The following STK3 variants were observed in gnomAD, a reference collection of about 807,000 sequenced individuals.
The protein encoded by STK3 is serine/threonine kinase 3.
In STK3, 41 loss-of-function variants were observed where a neutral mutation model predicts 58.0. The observed-to-expected ratio is 0.71, with a 90% CI of 0.55 to 0.92. The LOEUF is 0.92. Among genes scored for constraint, STK3 ranks in the 40% least tolerant of loss-of-function variants. The pLI, the probability that STK3 is intolerant of heterozygous loss-of-function variation, is 0.00. For missense variants in STK3, 479 were observed against 602.7 expected (o/e 0.79, Z 2.15); for synonymous variants, 170 against 191.0 (o/e 0.89, Z 0.91).
chr8:98,814,059 T>C (rs936699737), intron 1 of STK3, among the ~76,000 whole-genome samples: 4 of 152,232 alleles, frequency 2.6e-5, no homozygotes, highest in African/African-American at 9.6e-5. Context: ...TTGATTTTTT[T>C]CTTCTTTTTG....
At chr8:98,613,697 A>G (rs1817390914) in intron 6 of STK3, among the ~76,000 whole-genome samples, 2 of 152,092 alleles carry the variant, frequency 1.3e-5, no homozygotes, top group Admixed American at 1.3e-4. Flanking sequence ...GCCATAACAT[A>G]TTAATAATTA....
the STK3 span, among the ~76,000 whole-genome samples, chr8:98,346,444 A>G: frequency 2.6e-5 from 4 of 152,084 alleles, no homozygotes; most frequent in Non-Finnish European, 5.9e-5. Context: ...AATTTAATGA[A>G]TACTATAAAC....
At chr8:98,636,795 T>A (rs1302479787) in intron 6 of STK3, among the ~76,000 whole-genome samples, 2 of 152,122 alleles carry the variant, frequency 1.3e-5, no homozygotes, top group Non-Finnish European at 2.9e-5. Flanking sequence ...TAAAATGAAA[T>A]TTAAATATGT....
chr8:98,476,100 T>C (rs558526741), intron 10 of STK3, among the ~76,000 whole-genome samples: 1 of 152,322 alleles, frequency 6.6e-6, no homozygotes, highest in African/African-American at 2.4e-5. Flanking sequence ...TGTACCTAAG[T>C]GTAGACTGGA....
chr8:98,455,727 TGACC>T lies in STK3; in HGVS notation c.*111_*114del. The T allele has an allele frequency of 1.5e-6, 2 of 1,309,512 alleles. No individual in the cohort carries two copies. Among genetic ancestry groups the T allele is most frequent in the Admixed American group, 4.8e-5 (2 of 42,090 alleles). The allele number at this position is 1,309,512 out of a possible 1,614,324, so 81.1% of individuals were successfully genotyped here. ...CTGGGCATGTACCATTGTCACTTTTTGACCTCTGCCTAATTGTAGGGCAAAATCT... is the reference window on the plus strand; with the variant it reads ...CTGGGCATGTACCATTGTCACTTTTTTCTGCCTAATTGTAGGGCAAAATCT... On this transcript the variant is annotated 3_prime_UTR_variant, in exon 11 of 11. Coordinates refer to ENST00000419617, the MANE Select transcript of STK3 (RefSeq NM_006281.4).
At chr8:98,712,690 C>T (rs1390589303) in intron 4 of STK3, among the ~76,000 whole-genome samples, 3 of 152,038 alleles carry the variant, frequency 2.0e-5, no homozygotes, top group African/African-American at 4.8e-5. Flanking sequence ...TAATGGGAGA[C>T]TTTAACACCC....
intron 4 of STK3, among the ~76,000 whole-genome samples, chr8:98,718,871 G>A (rs1027772571): frequency 3.3e-5 from 5 of 151,782 alleles, no homozygotes; most frequent in Non-Finnish European, 4.4e-5. Context: ...AATTACATGT[G>A]GCTTGTGTTT....
At chr8:98,912,762 G>A (rs1417116123) in intron 1 of STK3, among the ~76,000 whole-genome samples, 1 of 152,144 alleles carries the variant, frequency 6.6e-6, no homozygotes, top group Non-Finnish European at 1.5e-5. Context: ...ATAAGACCAA[G>A]GGAAATGAAT....
intron 1 of STK3, among the ~76,000 whole-genome samples, chr8:98,803,593 C>CAAAAAAAAAAA (rs34316563): frequency 2.3e-3 from 89 of 38,160 alleles, no homozygotes; most frequent in East Asian, 4.1e-3. Context: ...GACTCTGTTT[C>CAAAAAAAAAAA]AAAAAAAAAA....
chr8:98,697,774 C>A (rs574837945), intron 6 of STK3, among the ~76,000 whole-genome samples: 7 of 152,084 alleles, frequency 4.6e-5, no homozygotes, highest in African/African-American at 1.7e-4. Flanking sequence ...AGCTTTACTT[C>A]CTGTTCCAAA....
At chr8:98,808,711 C>G (rs1350182584) in intron 1 of STK3, among the ~76,000 whole-genome samples, 2 of 152,060 alleles carry the variant, frequency 1.3e-5, no homozygotes, top group East Asian at 1.9e-4. Flanking sequence ...GCACACTGCC[C>G]CTAAAACCTT....
intron 1 of STK3, among the ~76,000 whole-genome samples, chr8:98,793,173 G>C (rs1341461208): frequency 1.3e-5 from 2 of 152,034 alleles, no homozygotes; most frequent in African/African-American, 2.4e-5. Flanking sequence ...TGGAGACTCA[G>C]GGGGAAAGGG....
At chr8:98,682,721 ACTTGT>A (rs1823725974) in intron 6 of STK3, among the ~76,000 whole-genome samples, 1 of 152,120 alleles carries the variant, frequency 6.6e-6, no homozygotes, top group African/African-American at 2.4e-5. Context: ...GTCAGGTATG[ACTTGT>A]CTTTCTTTTT....
chr8:98,452,268 T>C (rs1819233050), downstream of STK3, among the ~76,000 whole-genome samples: 1 of 152,154 alleles, frequency 6.6e-6, no homozygotes, highest in African/African-American at 2.4e-5. Context: ...AGGAAAAATA[T>C]AACAGCGGTA....
At chr8:98,590,328 C>T (rs887446010) in intron 7 of STK3, among the ~76,000 whole-genome samples, 3 of 152,202 alleles carry the variant, frequency 2.0e-5, no homozygotes, top group South Asian at 2.1e-4. Flanking sequence ...TTTCTTCCAC[C>T]GTAAGAGTTA....
chr8:98,741,904 G>A (rs529807656), intron 4 of STK3, among the ~76,000 whole-genome samples: 6 of 152,148 alleles, frequency 3.9e-5, no homozygotes, highest in African/African-American at 9.6e-5. Context: ...GGGATATCAC[G>A]ACCGATCCCA....
intron 1 of STK3, among the ~76,000 whole-genome samples, chr8:98,802,293 AT>A (rs879657404): frequency 2.6e-5 from 4 of 152,364 alleles, no homozygotes; most frequent in African/African-American, 7.2e-5. Flanking sequence ...TTTTCTCCAA[AT>A]TCTTCCTAAT....
intron 8 of STK3, among the ~76,000 whole-genome samples, chr8:98,568,877 G>A (rs1182786334): frequency 6.6e-6 from 1 of 152,100 alleles, no homozygotes; most frequent in African/African-American, 2.4e-5. Context: ...AGGAGAGACA[G>A]TGAAAATTAC....
intron 3 of STK3, among the ~76,000 whole-genome samples, chr8:98,412,196 T>C (rs1818065627): frequency 6.6e-6 from 1 of 152,180 alleles, no homozygotes; most frequent in Non-Finnish European, 1.5e-5. Context: ...CAGTAACAGA[T>C]TCCTACTTAT....
Sources: gnomAD v4.1 joint callset for allele counts (sites outside exome capture counted in the v4.1 genomes callset) on GRCh38, gnomAD v4.1.1 for gene constraint, MANE v1.5 for transcripts, NCBI Gene and HGNC (gene_info 2026-07-23, HGNC 2026-07-21) for gene names.